The following CWC27 variants were observed in gnomAD, a reference collection of about 807,000 sequenced individuals.
The protein encoded by CWC27 is spliceosome-associated protein CWC27 homolog.
CWC27 carries 47 observed loss-of-function variants against 63.6 expected under a neutral mutation model. That is an observed-to-expected ratio of 0.74 (90% CI 0.58 to 0.94). CWC27 has a LOEUF of 0.94. Ranked by LOEUF, CWC27 falls within the 40% of genes least tolerant of loss-of-function variation. CWC27 has a pLI of 0.00. For missense variants in CWC27, 495 were observed against 554.3 expected (o/e 0.89, Z 1.07); for synonymous variants, 175 against 179.8 (o/e 0.97, Z 0.22).
chr5:65,004,431 G>A (rs1749790825), intron 13 of CWC27, among the ~76,000 whole-genome samples: 2 of 117,706 alleles, frequency 1.7e-5, no homozygotes, highest in Admixed American at 9.3e-5. Flanking sequence ...GTATTCAAAA[G>A]CCATGTTTTC....
In CWC27 at chr5:64,829,856, A is replaced by G. The variant is rs146437051; in HGVS notation, c.938+25470A>G. Among the ~76,000 whole-genome samples the G allele has an allele frequency of 2.3e-3, 345 of 149,894 alleles. 1 individual carries two copies. Among genetic ancestry groups the G allele is most frequent in the African/African-American group, 8.0e-3 (326 of 40,640 alleles). Reference sequence around the variant, plus strand: ...CCCCTCCCTGTGTCCATGTGTTATCATTGTTCAACTCCCACTTAAAAGTGA... The same window carrying G: ...CCCCTCCCTGTGTCCATGTGTTATCGTTGTTCAACTCCCACTTAAAAGTGA... On this transcript the variant is annotated intron_variant, in intron 10 of 13. Transcript: ENST00000381070.
intron 11 of CWC27, among the ~76,000 whole-genome samples, chr5:64,954,426 C>T (rs1748766189): frequency 6.6e-6 from 1 of 151,860 alleles, no homozygotes; most frequent in Non-Finnish European, 1.5e-5. Context: ...GTAGCTAGGA[C>T]TACAGGTATA....
intron 13 of CWC27, among the ~76,000 whole-genome samples, chr5:64,993,851 C>T (rs1749584754): frequency 6.6e-6 from 1 of 152,064 alleles, no homozygotes; most frequent in Non-Finnish European, 1.5e-5. Flanking sequence ...GACAGTTGCC[C>T]TTATACACTG....
intron 11 of CWC27, among the ~76,000 whole-genome samples, chr5:64,937,684 A>G (rs1156809624): frequency 6.6e-6 from 1 of 152,150 alleles, no homozygotes; most frequent in Admixed American, 6.5e-5. Context: ...TCTAATATTG[A>G]CAGTGAGGTG....
chr5:64,786,455 C>T, intron 5 of CWC27, 69 bp from the exon 6 acceptor site: 1 of 879,552 alleles, frequency 1.1e-6, no homozygotes, highest in Non-Finnish European at 1.7e-6. Context: ...ACTGGAATTA[C>T]ATACGGGGTT....
At chr5:64,792,768 T>C (rs1283105499) in intron 7 of CWC27, among the ~76,000 whole-genome samples, 1 of 152,130 alleles carries the variant, frequency 6.6e-6, no homozygotes, top group African/African-American at 2.4e-5. Flanking sequence ...TGTGCTAGAA[T>C]AGAAATAACA....
At position 64,955,115 on chromosome 5, in the gene CWC27, ATACT is replaced by A. The variant is rs565320131; in HGVS notation, c.1043-16585_1043-16582del. ...TATCTACTCCCTGCTTCTTCAAATGATACTTAATCAGCTGAAGGCAGTCATAACT... is the reference window on the plus strand; with the variant it reads ...TATCTACTCCCTGCTTCTTCAAATGATAATCAGCTGAAGGCAGTCATAACT... On this transcript the variant is annotated intron_variant, in intron 11 of 13. Transcript: ENST00000381070. Among the ~76,000 whole-genome samples the A allele has an allele frequency of 1.4e-3, 209 of 152,256 alleles. 2 individuals are homozygous for A. The highest frequency in any genetic ancestry group is 4.7e-3 in the African/African-American group (194 of 41,560).
intron 1 of CWC27, among the ~76,000 whole-genome samples, chr5:64,772,055 G>T (rs75812510): frequency 2.0e-5 from 3 of 152,040 alleles, no homozygotes; most frequent in African/African-American, 7.3e-5. Flanking sequence ...TTATTATCCC[G>T]TTTTTAGATT....
rs1193802276 is a variant in CWC27 at position 65,012,365 on chromosome 5, A to G, written c.1257-5794A>G. Among the ~76,000 whole-genome samples the G allele has an allele frequency of 2.6e-5, 4 of 152,118 alleles. No homozygotes were observed. In the East Asian group the frequency reaches 7.7e-4, roughly 29 times the overall value. Reference sequence around the variant, plus strand: ...TAATATTTTTCCTGCCCCCCACCACATTCAGTTATTGTAAAGATGCTACCA... The same window carrying G: ...TAATATTTTTCCTGCCCCCCACCACGTTCAGTTATTGTAAAGATGCTACCA... On this transcript the variant is annotated intron_variant, in intron 13 of 13. Coordinates refer to ENST00000381070, the MANE Select transcript of CWC27 (RefSeq NM_005869.4).
chr5:64,869,282 A>C (rs1746607237), intron 10 of CWC27, among the ~76,000 whole-genome samples: 1 of 152,128 alleles, frequency 6.6e-6, no homozygotes, highest in Admixed American at 6.6e-5. Flanking sequence ...AACCTAAGTT[A>C]AGAACCCACA....
At chr5:64,826,462 A>G (rs889337319) in intron 10 of CWC27, among the ~76,000 whole-genome samples, 1 of 152,138 alleles carries the variant, frequency 6.6e-6, no homozygotes, top group Admixed American at 6.5e-5. Context: ...AAGAATGTGT[A>G]TTCTGCTGTG....
intron 7 of CWC27, among the ~76,000 whole-genome samples, chr5:64,789,660 TG>T (rs1383351274): frequency 6.6e-6 from 1 of 152,136 alleles, no homozygotes; most frequent in Non-Finnish European, 1.5e-5. Context: ...TCTTCAATAT[TG>T]CTTGCATCAT....
intron 13 of CWC27, among the ~76,000 whole-genome samples, chr5:64,982,806 C>T (rs1179150838): frequency 1.3e-5 from 2 of 152,174 alleles, no homozygotes; most frequent in Non-Finnish European, 2.9e-5. Flanking sequence ...CCCCAACCCC[C>T]AGACTGCAGA....
intron 13 of CWC27, among the ~76,000 whole-genome samples, chr5:65,004,364 A>G (rs1362753013): frequency 7.4e-6 from 1 of 135,528 alleles, no homozygotes; most frequent in African/African-American, 2.8e-5. Flanking sequence ...ATGGTGTCCC[A>G]TATGTTGTAT....
intron 13 of CWC27, among the ~76,000 whole-genome samples, chr5:64,991,035 A>C (rs1201297289): frequency 6.6e-6 from 1 of 152,232 alleles, no homozygotes; most frequent in East Asian, 1.9e-4. Context: ...GATTTATTAC[A>C]GTATAATATC....
intron 6 of CWC27, among the ~76,000 whole-genome samples, chr5:64,787,224 TTTTGTTTG>T (rs142579302): frequency 9.3e-5 from 14 of 151,072 alleles, no homozygotes; most frequent in African/African-American, 2.4e-4. Flanking sequence ...ATATTAGTGG[TTTTGTTTG>T]TTTGTTTGTT....
intron 10 of CWC27, chr5:64,807,730 T>C: frequency 6.5e-7 from 1 of 1,535,922 alleles, no homozygotes; most frequent in Non-Finnish European, 8.7e-7. Context: ...TCCTTATTAC[T>C]CACTCGCCAC....
intron 9 of CWC27, 45 bp from the exon 10 acceptor site, chr5:64,804,184 G>A: frequency 6.5e-7 from 1 of 1,532,840 alleles, no homozygotes; most frequent in Non-Finnish European, 8.8e-7. Context: ...AGAAATGAAA[G>A]GGGAAATTGA....
At chr5:64,804,615 A>G in intron 10 of CWC27, 1 of 408,710 alleles carries the variant, frequency 2.4e-6, no homozygotes, top group South Asian at 5.4e-5. Flanking sequence ...TTTCTCTCTG[A>G]TCCTTTTTTA....
Sources: allele counts gnomAD v4.1 joint callset (sites outside exome capture counted in the v4.1 genomes callset), GRCh38; gene constraint gnomAD v4.1.1; transcripts MANE v1.5; gene names NCBI Gene and HGNC (gene_info 2026-07-23, HGNC 2026-07-21).